Variants in ACOX3 observed in about 807,000 individuals in gnomAD.
ACOX3 encodes the protein peroxisomal acyl-coenzyme A oxidase 3.
In ACOX3, 73 loss-of-function variants were observed where a neutral mutation model predicts 81.5. The ratio of observed to expected loss-of-function variants is 0.90; its 90% CI spans 0.74 to 1.09. The LOEUF (loss-of-function observed/expected upper bound fraction) is 1.09, where lower values mean the gene tolerates loss of function less well. ACOX3 is among the 50% of genes least tolerant of loss of function. The probability of loss-of-function intolerance (pLI) is 0.00; values close to 1 mark genes in which losing one functional copy is unlikely to be tolerated. For synonymous variants in ACOX3, 387 were observed against 375.1 expected (o/e 1.03, Z -0.37); for missense variants, 947 against 928.0 (o/e 1.02, Z -0.27).
At chr4:8,359,037 G>A in the ACOX3 span, among the ~76,000 whole-genome samples, 9 of 152,146 alleles carry the variant, frequency 5.9e-5, no homozygotes, top group Admixed American at 1.3e-4. The surrounding 1 kb of genome is among the most constrained non-coding windows in gnomAD (Gnocchi z 6.0). Context: ...GAACCATAGT[G>A]TGGAAACCCT....
At chr4:8,403,030 G>A (rs1720541740) in intron 7 of ACOX3, among the ~76,000 whole-genome samples, 1 of 152,140 alleles carries the variant, frequency 6.6e-6, no homozygotes, top group Non-Finnish European at 1.5e-5. Context: ...GACCCTTAAG[G>A]TGCAGCCCAC....
rs1230242964 is a variant in ACOX3 at position 8,416,593 on chromosome 4, C to T, written c.-14-58G>A. The T allele has an allele frequency of 2.0e-6, 3 of 1,489,560 alleles. No homozygotes were observed. The East Asian group carries it at 7.1e-5, about 35-fold the overall frequency. 92.3% of individuals were successfully genotyped at this position (1,489,560 alleles called of 1,614,324 possible). The stretch of plus-strand genomic sequence containing the variant: ...TCCCATCTATGGGTTCAAACTACCC[C>T]CACCAACAGGAGAGCCCGCAACACC... On this transcript the variant is annotated intron_variant, in intron 1 of 17. Transcript: ENST00000356406. This position sits in a 1 kb window ranked among gnomAD's most constrained non-coding sequence, Gnocchi z 4.2.
At position 8,405,586 on chromosome 4, in the gene ACOX3, T is replaced by C. The variant is rs1720841879; in HGVS notation, c.776+369A>G. Among the ~76,000 whole-genome samples, 1 of 152,100 alleles carries C rather than the reference T, an allele frequency of 6.6e-6. No individual in the cohort carries two copies. Among genetic ancestry groups the C allele is most frequent in the South Asian group, 2.1e-4 (1 of 4,830 alleles). ...AGATATGGGTCCCTCGAGATCAGCA[T>C]GGATGTGTGCAGAGGCCGAGCCGGG... On this transcript the variant is annotated intron_variant, in intron 7 of 17. Transcript: ENST00000356406. The surrounding 1 kb of genome is among the most constrained non-coding windows in gnomAD (Gnocchi z 7.1).
intron 6 of ACOX3, among the ~76,000 whole-genome samples, chr4:8,409,735 C>A (rs912835211): frequency 6.9e-6 from 1 of 145,556 alleles, no homozygotes; most frequent in African/African-American, 2.6e-5. Context: ...GTGGGCGGGG[C>A]TGTGGGATAC....
rs923462857 is a variant in ACOX3, at chr4:8,407,105, G to A, written c.688-1062C>T. On this transcript the variant is annotated intron_variant, in intron 6 of 17. Transcript: ENST00000356406. This position sits in a 1 kb window ranked among gnomAD's most constrained non-coding sequence, Gnocchi z 4.6. ...TCACTGCTAGACCAAGGAGCCCTCT[G>A]GTGGCCCTGTCTGGGCATAACAGAA... 1.3e-5 allele frequency among the ~76,000 whole-genome samples: 2 copies of A among 152,168 alleles called. No individual in the cohort carries two copies. Among genetic ancestry groups the A allele is most frequent in the African/African-American group, 4.8e-5 (2 of 41,434 alleles).
intron 9 of ACOX3, among the ~76,000 whole-genome samples, chr4:8,396,285 T>C (rs926268080): frequency 1.3e-5 from 2 of 151,936 alleles, no homozygotes. Context: ...TGTCAAAGAG[T>C]GTGCACAGGG....
At chr4:8,378,837 T>C (rs1717295627) in intron 14 of ACOX3, among the ~76,000 whole-genome samples, 1 of 152,176 alleles carries the variant, frequency 6.6e-6, no homozygotes, top group Admixed American at 6.5e-5. Flanking sequence ...CTCCACCAGG[T>C]CAAAGAGTAA....
rs1229510124 is a variant in ACOX3, at chr4:8,405,413, G to GT, written c.776+541_776+542insA. 6.6e-6 allele frequency among the ~76,000 whole-genome samples: 1 copy of GT among 152,222 alleles called. No homozygotes were observed. Among genetic ancestry groups the GT allele is most frequent in the Non-Finnish European group, 1.5e-5 (1 of 68,048 alleles). ...CCATCCAACCCTTCAGCCAGGCCTT[G>GT]GCCACACCAACCCGGTGTCACATGT... On this transcript the variant is annotated intron_variant, in intron 7 of 17. Transcript: ENST00000356406. This position sits in a 1 kb window ranked among gnomAD's most constrained non-coding sequence, Gnocchi z 7.1.
chr4:8,419,443 A>G lies in ACOX3; in HGVS notation c.-14-2908T>C, dbSNP rs1301622143. ...AGTGAAACTCTGTCTCAAAAAAAAA[A>G]AGAAAAAAAGAAAAAAGAAACAGAA... On this transcript the variant is annotated intron_variant, in intron 1 of 17. Coordinates refer to ENST00000356406, the MANE Select transcript of ACOX3 (RefSeq NM_003501.3). The surrounding 1 kb of genome is among the most constrained non-coding windows in gnomAD (Gnocchi z 4.2). 1.3e-5 allele frequency among the ~76,000 whole-genome samples: 2 copies of G among 151,056 alleles called. No individual in the cohort carries two copies. Among genetic ancestry groups the G allele is most frequent in the South Asian group, 2.1e-4 (1 of 4,832 alleles).
chr4:8,420,486 G>C (rs1722820803), intron 1 of ACOX3, among the ~76,000 whole-genome samples: 1 of 152,142 alleles, frequency 6.6e-6, no homozygotes, highest in African/African-American at 2.4e-5. Context: ...AGACCAATCA[G>C]GTAGTAAAGA....
At chr4:8,422,261 A>G (rs992494975) in intron 1 of ACOX3, among the ~76,000 whole-genome samples, 14 of 152,200 alleles carry the variant, frequency 9.2e-5, no homozygotes, top group African/African-American at 3.1e-4. Context: ...AGAGAGATAT[A>G]TAAGTAGTTA....
At chr4:8,387,348 C>A (rs140781459) in intron 13 of ACOX3, among the ~76,000 whole-genome samples, 18 of 152,296 alleles carry the variant, frequency 1.2e-4, no homozygotes, top group African/African-American at 4.1e-4. Context: ...GGGATCAACC[C>A]CGGCAGCCTG....
At chr4:8,364,646 G>T (rs1029311102), downstream of ACOX3, among the ~76,000 whole-genome samples, 2 of 152,220 alleles carry the variant, frequency 1.3e-5, no homozygotes, top group African/African-American at 4.8e-5. This position sits in a 1 kb window ranked among gnomAD's most constrained non-coding sequence, Gnocchi z 5.0. Context: ...ACATCACAAA[G>T]CTCTCCTGCA....
Position 8,414,287 on chromosome 4 carries a change from C to T in ACOX3, c.543+5G>A, listed in dbSNP as rs1404979653. The T allele has an allele frequency of 1.2e-6, 2 of 1,612,322 alleles. No homozygotes were observed. The highest frequency in any genetic ancestry group is 1.3e-5 in the African/African-American group (1 of 74,820). ...CTCAGGGACCCGGGGGAAGGTAATA[C>T]CTACCTCAGTGGCAGGATCGTAGTG... On this transcript the variant is annotated splice_donor_5th_base_variant and intron_variant, in intron 5 of 17. Coordinates refer to ENST00000356406, the MANE Select transcript of ACOX3 (RefSeq NM_003501.3). This position sits in a 1 kb window ranked among gnomAD's most constrained non-coding sequence, Gnocchi z 6.1.
At chr4:8,425,909 G>C (rs28877981) in intron 1 of ACOX3, among the ~76,000 whole-genome samples, 2,950 of 152,066 alleles carry the variant, frequency 0.019, 105 homozygotes, top group African/African-American at 0.067. Flanking sequence ...CTTACACTGC[G>C]CCTGGAGGCC....
chr4:8,379,927 A>G (rs889727402), intron 14 of ACOX3, among the ~76,000 whole-genome samples: 1 of 152,106 alleles, frequency 6.6e-6, no homozygotes, highest in African/African-American at 2.4e-5. Context: ...CTGGCATTAC[A>G]GACATGAGCC....
Position 8,406,126 on chromosome 4 carries a change from G to C in ACOX3, c.688-83C>G. 1 of 1,359,120 alleles carries C rather than the reference G, an allele frequency of 7.4e-7. No homozygotes were observed. The highest frequency in any genetic ancestry group is 1.0e-6 in the Non-Finnish European group (1 of 953,298). The allele number at this position is 1,359,120 out of a possible 1,614,324, so 84.2% of individuals were successfully genotyped here. ...AACAAATGTGTTCAGAAACCCACAG[G>C]GTGGGCCATGGGCTCAACGCTGGGC... On this transcript the variant is annotated intron_variant, in intron 6 of 17. Coordinates refer to ENST00000356406, the MANE Select transcript of ACOX3 (RefSeq NM_003501.3). This position sits in a 1 kb window ranked among gnomAD's most constrained non-coding sequence, Gnocchi z 5.6.
Position 8,367,068 on chromosome 4 carries a change from G to C in ACOX3, c.1996C>G (p.Leu666Val), listed in dbSNP as rs144323318. Reference sequence around the variant, plus strand: ...CTTTCCTGCAGGACAGCGCCCCAGAGGTTTTTGTAGAGCTGCAAACAACAC... The same window carrying C: ...CTTTCCTGCAGGACAGCGCCCCAGACGTTTTTGTAGAGCTGCAAACAACAC... The part of the protein sequence containing the change: ...GRADGELYKN[L>V]WGAVLQESKV... The change falls in exon 18 of 18, where the codon CTC becomes GTC. Residue 666 changes from leucine (L) to valine (V), a missense_variant. Transcript: ENST00000356406. The C allele has an allele frequency of 1.9e-6, 3 of 1,613,932 alleles. No individual in the cohort carries two copies. Among genetic ancestry groups the C allele is most frequent in the Non-Finnish European group, 2.5e-6 (3 of 1,179,938 alleles).
At chr4:8,402,858 G>A (rs921933648) in intron 7 of ACOX3, among the ~76,000 whole-genome samples, 2 of 152,150 alleles carry the variant, frequency 1.3e-5, no homozygotes, top group Non-Finnish European at 2.9e-5. Flanking sequence ...CACACACCCC[G>A]CGCCCTGGAC....
Sources: gnomAD v4.1 joint callset for allele counts (sites outside exome capture counted in the v4.1 genomes callset) on GRCh38, gnomAD v4.1.1 for gene constraint, Gnocchi (gnomAD v3.1) non-coding constraint, MANE v1.5 for transcripts, NCBI Gene and HGNC (gene_info 2026-07-23, HGNC 2026-07-21) for gene names.